The following STPG2 variants were observed in gnomAD, a reference collection of about 807,000 sequenced individuals.
STPG2 encodes the protein sperm tail PG-rich repeat containing 2.
A neutral mutation model predicts 54.2 loss-of-function variants in STPG2; 56 were observed. The ratio of observed to expected loss-of-function variants is 1.03; its 90% CI spans 0.83 to 1.29. The LOEUF (loss-of-function observed/expected upper bound fraction) is 1.29. STPG2 is among the 50% of genes most tolerant of loss of function. The probability of loss-of-function intolerance (pLI) is 0.00; values close to 1 mark genes in which losing one functional copy is unlikely to be tolerated. For synonymous variants in STPG2, 200 were observed against 181.8 expected (o/e 1.10, Z -0.81); for missense variants, 596 against 544.9 (o/e 1.09, Z -0.93).
chr4:97,840,947 A>C lies in STPG2; in HGVS notation c.1045-15T>G. 6.2e-7 allele frequency: 1 copy of C among 1,609,732 alleles called. No individual in the cohort carries two copies. Among genetic ancestry groups the C allele is most frequent in the Non-Finnish European group, 8.5e-7 (1 of 1,177,580 alleles). On this transcript the variant is annotated splice_polypyrimidine_tract_variant and intron_variant, in intron 8 of 10. Coordinates refer to ENST00000295268, the MANE Select transcript of STPG2 (RefSeq NM_174952.3). ...GCTGGAATAACCTGAAAAAAAATTTAATAGATGAGCATAAATATATCTTAT... is the reference window on the plus strand; with the variant it reads ...GCTGGAATAACCTGAAAAAAAATTTCATAGATGAGCATAAATATATCTTAT...
intron 10 of STPG2, among the ~76,000 whole-genome samples, chr4:97,691,185 T>G (rs866979096): frequency 6.6e-6 from 1 of 152,076 alleles, no homozygotes; most frequent in African/African-American, 2.4e-5. Flanking sequence ...GGAGGTGGAT[T>G]GCCACTGCAG....
At chr4:98,082,033 C>G (rs2110116904) in intron 5 of STPG2, among the ~76,000 whole-genome samples, 1 of 152,234 alleles carries the variant, frequency 6.6e-6, no homozygotes, top group Admixed American at 6.5e-5. Flanking sequence ...TAGGAGGAAG[C>G]AAGTTTATGA....
chr4:97,734,623 C>A (rs1027305350), intron 9 of STPG2, among the ~76,000 whole-genome samples: 1 of 152,106 alleles, frequency 6.6e-6, no homozygotes, highest in Non-Finnish European at 1.5e-5. Flanking sequence ...GTTTATTGAA[C>A]CATCCATGCC....
At chr4:97,686,729 T>A (rs1209230049) in intron 10 of STPG2, among the ~76,000 whole-genome samples, 2 of 152,124 alleles carry the variant, frequency 1.3e-5, no homozygotes, top group Non-Finnish European at 2.9e-5. Flanking sequence ...TAATTTAAAA[T>A]CATTTTTTCA....
chr4:98,047,365 G>A (rs1344160372), intron 5 of STPG2, among the ~76,000 whole-genome samples: 1 of 151,482 alleles, frequency 6.6e-6, no homozygotes, highest in Non-Finnish European at 1.5e-5. Context: ...TTCCCTAGAG[G>A]TCTACCTGTT....
At chr4:97,521,071 C>G (rs1395355444) in intron 4 of STPG2, among the ~76,000 whole-genome samples, 3 of 151,764 alleles carry the variant, frequency 2.0e-5, no homozygotes, top group African/African-American at 7.3e-5. Context: ...TATGTACATT[C>G]TGATAAAAAA....
chr4:97,719,655 A>T (rs576712610), intron 9 of STPG2, among the ~76,000 whole-genome samples: 1 of 152,068 alleles, frequency 6.6e-6, no homozygotes, highest in East Asian at 1.9e-4. Context: ...TCTGAAATAT[A>T]TCTGAATCTT....
intron 8 of STPG2, among the ~76,000 whole-genome samples, chr4:97,925,848 G>A (rs888356211): frequency 1.3e-5 from 2 of 152,128 alleles, no homozygotes; most frequent in South Asian, 2.1e-4. Context: ...CTCTTCAGAA[G>A]TCTGAATTCT....
intron 5 of STPG2, among the ~76,000 whole-genome samples, chr4:98,097,860 TC>T (rs1036204417): frequency 8.5e-5 from 13 of 152,128 alleles, no homozygotes; most frequent in African/African-American, 2.9e-4. Flanking sequence ...AAAAAAGTAA[TC>T]CCATTTACAA....
intron 5 of STPG2, among the ~76,000 whole-genome samples, chr4:98,090,645 G>C (rs114808052): frequency 6.6e-6 from 1 of 151,854 alleles, no homozygotes; most frequent in East Asian, 1.9e-4. Flanking sequence ...ATTGCTTTGC[G>C]CAACATGGTT....
At chr4:97,845,666 C>A (rs1728927605) in intron 8 of STPG2, among the ~76,000 whole-genome samples, 2 of 152,116 alleles carry the variant, frequency 1.3e-5, no homozygotes, top group South Asian at 4.1e-4. Context: ...ATGAGTAAGT[C>A]TTGATAAACT....
intron 10 of STPG2, among the ~76,000 whole-genome samples, chr4:97,606,991 G>A (rs185355015): frequency 1.3e-5 from 2 of 151,948 alleles, no homozygotes; most frequent in African/African-American, 4.8e-5. Flanking sequence ...TAAAAGAATA[G>A]GAATAAAACT....
At chr4:97,659,625 G>A (rs1722316553) in intron 10 of STPG2, among the ~76,000 whole-genome samples, 1 of 152,170 alleles carries the variant, frequency 6.6e-6, no homozygotes, top group Admixed American at 6.5e-5. Flanking sequence ...AATAAGGAGA[G>A]AAAAAGCAAA....
intron 8 of STPG2, among the ~76,000 whole-genome samples, chr4:97,937,249 A>G (rs1401733467): frequency 6.6e-6 from 1 of 151,818 alleles, no homozygotes; most frequent in African/African-American, 2.4e-5. Context: ...GTTCCTCTCT[A>G]AACTGGTTAT....
At chr4:98,118,361 A>G (rs915007255) in intron 3 of STPG2, among the ~76,000 whole-genome samples, 5 of 152,130 alleles carry the variant, frequency 3.3e-5, no homozygotes, top group Middle Eastern at 3.4e-3. Flanking sequence ...TTTTTTTTGC[A>G]GTGATAGTTT....
intron 5 of STPG2, among the ~76,000 whole-genome samples, chr4:98,067,148 A>G (rs973902425): frequency 6.6e-6 from 1 of 152,006 alleles, no homozygotes; most frequent in African/African-American, 2.4e-5. Context: ...GTAGTTCTCT[A>G]AGAGTCAATC....
At chr4:97,763,474 G>C (rs1316422741) in intron 9 of STPG2, among the ~76,000 whole-genome samples, 1 of 152,152 alleles carries the variant, frequency 6.6e-6, no homozygotes, top group African/African-American at 2.4e-5. Context: ...CTAGTATTTA[G>C]TTTACTGGAT....
chr4:98,059,107 A>G (rs1309270530), intron 5 of STPG2, among the ~76,000 whole-genome samples: 3 of 152,104 alleles, frequency 2.0e-5, no homozygotes, highest in Non-Finnish European at 4.4e-5. Context: ...AGCTAGACTA[A>G]TAAAGAAAAA....
intron 10 of STPG2, among the ~76,000 whole-genome samples, chr4:97,641,484 T>C (rs1721762566): frequency 6.6e-6 from 1 of 151,516 alleles, no homozygotes; most frequent in Non-Finnish European, 1.5e-5. Flanking sequence ...CTATCAGTTC[T>C]ATTTTAGTTA....
Sources: allele counts gnomAD v4.1 joint callset (sites outside exome capture counted in the v4.1 genomes callset), GRCh38; gene constraint gnomAD v4.1.1; transcripts MANE v1.5; gene names NCBI Gene and HGNC (gene_info 2026-07-23, HGNC 2026-07-21).